The following RGS7 variants were observed in gnomAD, a reference collection of about 807,000 sequenced individuals.
The protein encoded by RGS7 is regulator of G-protein signaling 7.
RGS7 carries 27 observed loss-of-function variants against 81.1 expected under a neutral mutation model. That is an observed-to-expected ratio of 0.33 (90% confidence interval 0.25 to 0.46). The LOEUF is 0.46. Ranked by LOEUF, RGS7 falls within the 20% of genes least tolerant of loss-of-function variation. The pLI, the probability that RGS7 is intolerant of heterozygous loss-of-function variation, is 1.00. For synonymous variants in RGS7, 208 were observed against 207.7 expected (o/e 1.00, Z -0.01); for missense variants, 396 against 607.4 (o/e 0.65, Z 3.66).
chr1:240,774,748 A>G (rs1325759177), downstream of RGS7: 2 of 152,186 alleles, frequency 1.3e-5, no homozygotes, highest in African/African-American at 4.8e-5. Context: ...GTACTTAGTA[A>G]GCGTCACTAA....
chr1:240,954,469 T>C (rs1270727301), intron 4 of RGS7, among the ~76,000 whole-genome samples: 1 of 151,970 alleles, frequency 6.6e-6, no homozygotes, highest in African/African-American at 2.4e-5. Context: ...TAATTCACCA[T>C]AGGACAAGCT....
At chr1:241,123,841 G>T (rs965359226) in intron 2 of RGS7, among the ~76,000 whole-genome samples, 1 of 152,186 alleles carries the variant, frequency 6.6e-6, no homozygotes, top group African/African-American at 2.4e-5. Context: ...GCAGACCTAT[G>T]TCCTAGTCAT....
At chr1:241,167,514 TC>T (rs1010983009) in intron 2 of RGS7, among the ~76,000 whole-genome samples, 1 of 150,604 alleles carries the variant, frequency 6.6e-6, no homozygotes, top group African/African-American at 2.4e-5. Context: ...TACTCTTTGG[TC>T]CTCCTCTTTT....
chr1:240,988,329 G>T, intron 3 of RGS7, among the ~76,000 whole-genome samples: 1 of 150,664 alleles, frequency 6.6e-6, no homozygotes, highest in South Asian at 2.1e-4. Context: ...TTTAAAACAC[G>T]GCAGAATTTC....
chr1:240,854,232 G>C (rs1460335178), intron 9 of RGS7, among the ~76,000 whole-genome samples: 1 of 152,176 alleles, frequency 6.6e-6, no homozygotes, highest in African/African-American at 2.4e-5. Context: ...CATGGGAAAA[G>C]ACGGTCTACC....
chr1:241,208,586 C>A (rs918036224), intron 2 of RGS7, among the ~76,000 whole-genome samples: 7 of 152,076 alleles, frequency 4.6e-5, no homozygotes, highest in Non-Finnish European at 8.8e-5. Flanking sequence ...GTAGTTACCT[C>A]CGTCATGACA....
intron 2 of RGS7, among the ~76,000 whole-genome samples, chr1:241,221,092 A>AAAGGAAGGAAGGAAGGAAGG (rs141939771): frequency 7.2e-6 from 1 of 138,578 alleles, no homozygotes; most frequent in Middle Eastern, 3.8e-3. Context: ...AGGAAGGAAG[A>AAAGGAAGGAAGGAAGGAAGG]AAGGAAGGAA....
At chr1:241,089,063 C>CTCTCTCTCTCTCTA (rs1374552672) in intron 3 of RGS7, among the ~76,000 whole-genome samples, 3 of 23,678 alleles carry the variant, frequency 1.3e-4, no homozygotes, top group African/African-American at 2.3e-4. Flanking sequence ...CTCTCTCTCT[C>CTCTCTCTCTCTCTA]TATATATATA....
At chr1:241,224,171 C>T (rs574119754) in intron 2 of RGS7, among the ~76,000 whole-genome samples, 8 of 151,928 alleles carry the variant, frequency 5.3e-5, no homozygotes, top group South Asian at 2.1e-4. Context: ...TAGTTATACA[C>T]GTGCCTTGGT....
chr1:240,782,321 A>C (rs1195196136), intron 18 of RGS7, among the ~76,000 whole-genome samples: 1 of 152,192 alleles, frequency 6.6e-6, no homozygotes, highest in Non-Finnish European at 1.5e-5. Context: ...TGGAACAATC[A>C]TTTTCAGTGC....
intron 3 of RGS7, among the ~76,000 whole-genome samples, chr1:241,080,158 C>A (rs2063051708): frequency 6.7e-6 from 1 of 150,072 alleles, no homozygotes; most frequent in African/African-American, 2.5e-5. Flanking sequence ...TTATTTAGGA[C>A]AAAAATTAAT....
At chr1:240,843,173 T>C (rs1189306031) in intron 9 of RGS7, among the ~76,000 whole-genome samples, 2 of 139,216 alleles carry the variant, frequency 1.4e-5, no homozygotes, top group Admixed American at 7.0e-5. Context: ...CTCAAAAAAA[T>C]AAAATAAAAA....
intron 4 of RGS7, among the ~76,000 whole-genome samples, chr1:240,957,977 A>G (rs1337639349): frequency 6.6e-6 from 1 of 152,166 alleles, no homozygotes; most frequent in East Asian, 1.9e-4. Flanking sequence ...CTTCTCACGG[A>G]GACTTGAAGA....
chr1:241,301,915 A>G (rs1484807926), intron 2 of RGS7, among the ~76,000 whole-genome samples: 1 of 152,250 alleles, frequency 6.6e-6, no homozygotes. Flanking sequence ...TGCAAATGAT[A>G]TATCAGAAGT....
chr1:241,087,671 G>T (rs1393603488), intron 3 of RGS7, among the ~76,000 whole-genome samples: 2 of 152,086 alleles, frequency 1.3e-5, no homozygotes, highest in African/African-American at 4.8e-5. Flanking sequence ...ATAAGAGGCT[G>T]GGTGCGGTGG....
chr1:241,199,523 C>T (rs1006220003), intron 2 of RGS7, among the ~76,000 whole-genome samples: 2 of 151,654 alleles, frequency 1.3e-5, no homozygotes, highest in Admixed American at 6.6e-5. Flanking sequence ...CCTCTAAAAT[C>T]AAGAACAAAG....
chr1:241,016,299 T>C (rs561206569), intron 3 of RGS7, among the ~76,000 whole-genome samples: 39 of 152,056 alleles, frequency 2.6e-4, no homozygotes, highest in Admixed American at 1.8e-3. Context: ...GTGGTCTGAT[T>C]ATGAGGTCAA....
At chr1:240,811,851 C>T in intron 14 of RGS7, 67 bp downstream of exon 14, 2 of 1,379,746 alleles carry the variant, frequency 1.4e-6, no homozygotes, top group South Asian at 2.3e-5. Flanking sequence ...TCTATTACCT[C>T]CAAAATAACC....
chr1:241,252,753 G>T (rs1034093579), intron 2 of RGS7, among the ~76,000 whole-genome samples: 2 of 152,114 alleles, frequency 1.3e-5, no homozygotes, highest in Admixed American at 6.6e-5. Context: ...GTCTTTTGCG[G>T]GTAGGTATTA....
Sources: allele counts gnomAD v4.1 joint callset (sites outside exome capture counted in the v4.1 genomes callset), GRCh38; gene constraint gnomAD v4.1.1; transcripts MANE v1.5; gene names NCBI Gene and HGNC (gene_info 2026-07-23, HGNC 2026-07-21).